Variants in ARHGEF38 observed in about 807,000 individuals in gnomAD.
ARHGEF38 encodes Rho guanine nucleotide exchange factor (GEF) 38.
In ARHGEF38, 79 loss-of-function variants were observed where a neutral mutation model predicts 79.9. The ratio of observed to expected loss-of-function variants is 0.99; its 90% CI spans 0.82 to 1.19. ARHGEF38 has a LOEUF of 1.19. Ranked by LOEUF, ARHGEF38 falls within the 50% of genes most tolerant of loss-of-function variation. ARHGEF38 has a pLI of 0.00. For missense variants in ARHGEF38, 962 were observed against 907.2 expected, an observed-to-expected ratio of 1.06 and a Z score of -0.78; for synonymous variants, 366 against 328.3, an observed-to-expected ratio of 1.11 and a Z score of -1.24.
chr4:105,624,371 C>T (rs559597860), intron 3 of ARHGEF38, among the ~76,000 whole-genome samples: 1 of 152,114 alleles, frequency 6.6e-6, no homozygotes, highest in East Asian at 1.9e-4. Context: ...TGTCAGTTTT[C>T]CAGTCTACTC....
chr4:105,583,411 C>T (rs73837034), intron 1 of ARHGEF38, among the ~76,000 whole-genome samples: 16,140 of 152,176 alleles, frequency 0.11, 914 homozygotes, highest in Middle Eastern at 0.18. Context: ...CCACACATTG[C>T]TCTGCTTCCT....
At chr4:105,656,677 G>A (rs1034416670) in intron 9 of ARHGEF38, among the ~76,000 whole-genome samples, 6 of 152,040 alleles carry the variant, frequency 3.9e-5, no homozygotes, top group East Asian at 1.9e-4. Context: ...TGGCATTTTC[G>A]TGTTGGCATT....
intron 13 of ARHGEF38, among the ~76,000 whole-genome samples, chr4:105,677,112 C>T (rs1408111674): frequency 1.3e-5 from 2 of 151,950 alleles, no homozygotes; most frequent in East Asian, 1.9e-4. Flanking sequence ...TACAGGCACA[C>T]GCCACCACGC....
At chr4:105,634,507 T>C (rs1729322909) in intron 4 of ARHGEF38, among the ~76,000 whole-genome samples, 1 of 152,166 alleles carries the variant, frequency 6.6e-6, no homozygotes, top group Non-Finnish European at 1.5e-5. Flanking sequence ...TCTTATTACT[T>C]AGCCTTCTTG....
chr4:105,588,898 C>A (rs903959544), intron 1 of ARHGEF38, among the ~76,000 whole-genome samples: 1 of 152,110 alleles, frequency 6.6e-6, no homozygotes, highest in Non-Finnish European at 1.5e-5. Flanking sequence ...TAAAATTCTT[C>A]CCTTGATTTA....
intron 1 of ARHGEF38, among the ~76,000 whole-genome samples, chr4:105,587,465 A>T (rs866067395): frequency 1.3e-5 from 2 of 151,972 alleles, no homozygotes; most frequent in Middle Eastern, 3.2e-3. Flanking sequence ...ATTTATGATT[A>T]TGATTATTAT....
intron 4 of ARHGEF38, among the ~76,000 whole-genome samples, chr4:105,633,601 T>C (rs543775440): frequency 6.6e-6 from 1 of 152,286 alleles, no homozygotes; most frequent in South Asian, 2.1e-4. Context: ...TTCGAAGCAA[T>C]ATCCACGAGA....
intron 1 of ARHGEF38, among the ~76,000 whole-genome samples, chr4:105,553,689 T>C (rs1336901172): frequency 6.6e-6 from 1 of 152,218 alleles, no homozygotes; most frequent in Admixed American, 6.5e-5. Context: ...CTATCTATCC[T>C]TTCTTTCTCT....
intron 4 of ARHGEF38, among the ~76,000 whole-genome samples, chr4:105,633,614 G>T (rs1041103305): frequency 6.6e-6 from 1 of 152,128 alleles, no homozygotes; most frequent in Non-Finnish European, 1.5e-5. Flanking sequence ...CCACGAGAGA[G>T]GTGGCTTCAT....
rs188200923 is a variant in ARHGEF38, at chr4:105,634,866, C to T, written c.657-1537C>T. Among the ~76,000 whole-genome samples the T allele has an allele frequency of 4.0e-3, 606 of 152,236 alleles. 3 individuals carry two copies. The highest frequency in any genetic ancestry group is 0.014 in the African/African-American group (579 of 41,554). The stretch of plus-strand genomic sequence containing the variant: ...TAGTCATCTGGGCACTTTGGCTGCT[C>T]ACATTACTCCTGGAGCTTCTCCATT... On this transcript the variant is annotated intron_variant, in intron 4 of 13. Transcript: ENST00000420470.
intron 2 of ARHGEF38, among the ~76,000 whole-genome samples, chr4:105,597,679 C>G (rs994525916): frequency 5.3e-5 from 8 of 152,164 alleles, no homozygotes; most frequent in Admixed American, 3.3e-4. Context: ...CTTATTTATG[C>G]AAACAATTGC....
chr4:105,562,491 A>C (rs1725683432), intron 1 of ARHGEF38, among the ~76,000 whole-genome samples: 1 of 152,174 alleles, frequency 6.6e-6, no homozygotes, highest in South Asian at 2.1e-4. Flanking sequence ...CTTTCAGTTA[A>C]TTTCTTTACA....
intron 3 of ARHGEF38, among the ~76,000 whole-genome samples, chr4:105,620,773 G>A (rs1229858149): frequency 1.3e-5 from 2 of 152,106 alleles, no homozygotes; most frequent in Non-Finnish European, 2.9e-5. Flanking sequence ...GCAGTAATTA[G>A]TCTCCAAAGA....
At chr4:105,604,426 C>T (rs1578302609) in intron 2 of ARHGEF38, among the ~76,000 whole-genome samples, 1 of 152,226 alleles carries the variant, frequency 6.6e-6, no homozygotes, top group East Asian at 1.9e-4. Context: ...TCTTTTTGAG[C>T]CTTCTGTTTC....
Position 105,654,039 on chromosome 4 carries a change from T to G in ARHGEF38, c.1009-26T>G, listed in dbSNP as rs1467350825. On this transcript the variant is annotated intron_variant, in intron 7 of 13. Transcript: ENST00000420470. ...AAAAATATCTGTTTCATTTGAGTTATGAAAATAATTTCATATATATTTTAG... is the reference window on the plus strand; with the variant it reads ...AAAAATATCTGTTTCATTTGAGTTAGGAAAATAATTTCATATATATTTTAG... 5.4e-6 allele frequency: 7 copies of G among 1,291,828 alleles called. No homozygotes were observed. The South Asian group carries it at 9.1e-5, about 17-fold the overall frequency. 80.0% of individuals were successfully genotyped at this position (1,291,828 alleles called of 1,614,324 possible).
rs189038392 is a variant in ARHGEF38, at chr4:105,641,118, A to G, written c.675-4070A>G. Reference sequence around the variant, plus strand: ...AGATGATGAAGTTCCTAGACCAGTCATCTAATTTTCTCATTTTTTTTTCTA... The same window carrying G: ...AGATGATGAAGTTCCTAGACCAGTCGTCTAATTTTCTCATTTTTTTTTCTA... On this transcript the variant is annotated intron_variant, in intron 5 of 13. Transcript: ENST00000420470. 2.6e-3 allele frequency among the ~76,000 whole-genome samples: 398 copies of G among 152,148 alleles called. 4 individuals are homozygous for G. Among genetic ancestry groups the G allele is most frequent in the African/African-American group, 9.1e-3 (376 of 41,532 alleles).
At chr4:105,561,000 A>G (rs773791886) in intron 1 of ARHGEF38, among the ~76,000 whole-genome samples, 4 of 152,196 alleles carry the variant, frequency 2.6e-5, no homozygotes, top group Non-Finnish European at 4.4e-5. Context: ...GATAAAAACA[A>G]GCAATTTACT....
intron 9 of ARHGEF38, among the ~76,000 whole-genome samples, chr4:105,656,906 T>A (rs904462426): frequency 4.6e-5 from 7 of 152,184 alleles, no homozygotes; most frequent in African/African-American, 1.7e-4. Context: ...TTTCTGGCAC[T>A]GGGGAATGGA....
At chr4:105,657,378 A>G (rs1200673667) in intron 9 of ARHGEF38, among the ~76,000 whole-genome samples, 1 of 152,200 alleles carries the variant, frequency 6.6e-6, no homozygotes, top group African/African-American at 2.4e-5. Context: ...GCTCAATATA[A>G]AAGTAACTTT....
Sources: gnomAD v4.1 joint callset for allele counts (sites outside exome capture counted in the v4.1 genomes callset) on GRCh38, gnomAD v4.1.1 for gene constraint, MANE v1.5 for transcripts, NCBI Gene and HGNC (gene_info 2026-07-23, HGNC 2026-07-21) for gene names.